The following CRYBB1 variants were observed in gnomAD, a reference collection of about 807,000 sequenced individuals.
CRYBB1 encodes the protein crystallin beta B1, also known as beta-crystallin B1.
A neutral mutation model predicts 29.5 loss-of-function variants in CRYBB1; 16 were observed. The ratio of observed to expected loss-of-function variants is 0.54; its 90% confidence interval spans 0.37 to 0.82. CRYBB1 has a LOEUF of 0.82. Among genes scored for constraint, CRYBB1 ranks in the 40% least tolerant of loss-of-function variants. CRYBB1 has a pLI of 0.00. For missense variants in CRYBB1, 300 were observed against 350.5 expected (o/e 0.86, Z 1.15); for synonymous variants, 127 against 136.7 (o/e 0.93, Z 0.49).
rs1233105482 is a variant in CRYBB1, at chr22:26,612,210, A to G, written c.181-20T>C. On this transcript the variant is annotated intron_variant, in intron 2 of 5. Coordinates refer to ENST00000647684, the MANE Select transcript of CRYBB1 (RefSeq NM_001887.4). ...CACCAGCTGCAGGAGAGAAGCCCCC[A>G]TGCCAAGGGCAGAGTGAGGGGGGAG... The G allele has an allele frequency of 1.9e-6, 3 of 1,556,578 alleles. No individual in the cohort carries two copies. Among genetic ancestry groups the G allele is most frequent in the African/African-American group, 1.4e-5 (1 of 73,774 alleles).
intron 3 of CRYBB1, among the ~76,000 whole-genome samples, chr22:26,610,201 A>G (rs188374104): frequency 9.2e-5 from 14 of 152,324 alleles, no homozygotes; most frequent in Non-Finnish European, 4.4e-5. Flanking sequence ...ATTTTAATTT[A>G]TAAGATATGG....
In CRYBB1 at chr22:26,609,475, T is replaced by A. The variant is rs117187004; in HGVS notation, c.300-1454A>T. ...ATGGGTAGATGGACAGATGAATGGATGCATGGATAAAGGGATGGATGAAGG... is the reference window on the plus strand; with the variant it reads ...ATGGGTAGATGGACAGATGAATGGAAGCATGGATAAAGGGATGGATGAAGG... On this transcript the variant is annotated intron_variant, in intron 3 of 5. Transcript: ENST00000647684. Among the ~76,000 whole-genome samples, 1,030 of 152,112 alleles carry A rather than the reference T, an allele frequency of 6.8e-3. 5 individuals are homozygous for A. The highest frequency in any genetic ancestry group is 0.011 in the Non-Finnish European group (747 of 67,994).
Position 26,599,676 on chromosome 22 carries a change from G to T in CRYBB1, c.576-3C>A, listed in dbSNP as rs142497666. On this transcript the variant is annotated splice_region_variant and splice_polypyrimidine_tract_variant and intron_variant, in intron 5 of 5. Coordinates refer to ENST00000647684, the MANE Select transcript of CRYBB1 (RefSeq NM_001887.4). ...CAGGATACTGATAGCCAACCCATCTGAGAGAAAAGTGAGAAGGACAGAGTG... is the reference window on the plus strand; with the variant it reads ...CAGGATACTGATAGCCAACCCATCTTAGAGAAAAGTGAGAAGGACAGAGTG... The T allele has an allele frequency of 1.1e-4, 176 of 1,613,654 alleles. 2 individuals are homozygous for T. In the East Asian group the frequency reaches 3.9e-3, roughly 36 times the overall value.
At chr22:26,607,091 C>T (rs1446133177) in intron 4 of CRYBB1, among the ~76,000 whole-genome samples, 7 of 141,078 alleles carry the variant, frequency 5.0e-5, no homozygotes, top group Non-Finnish European at 9.0e-5. Flanking sequence ...GGCATGATCT[C>T]GGCTCACTGC....
chr22:26,613,956 C>T (rs950440681), intron 2 of CRYBB1, among the ~76,000 whole-genome samples: 17 of 152,112 alleles, frequency 1.1e-4, no homozygotes, highest in African/African-American at 3.6e-4. Context: ...TGGGCGTGGT[C>T]GTCTCTTATG....
Position 26,601,907 on chromosome 22 carries a change from C to G in CRYBB1, c.547G>C (p.Val183Leu), listed in dbSNP as rs548722359. ...SLWVYGFSDRVGSVKVSSGTW... is the reference protein window; with the variant it reads ...SLWVYGFSDRLGSVKVSSGTW... Reference sequence around the variant, plus strand: ...CCACTGGAGACCTTCACGCTGCCCACGCGGTCACTGAAGCCGTAGACCCAG... The same window carrying G: ...CCACTGGAGACCTTCACGCTGCCCAGGCGGTCACTGAAGCCGTAGACCCAG... The change falls in exon 5 of 6, where the codon GTG becomes CTG. Residue 183 changes from valine to leucine, a missense_variant. Physicochemically the swap from Val to Leu is conservative, Grantham distance 32 (BLOSUM62 1). Transcript: ENST00000647684. 57 of 1,612,304 alleles carry G rather than the reference C, an allele frequency of 3.5e-5. No individual in the cohort carries two copies. The highest frequency in any genetic ancestry group is 4.5e-5 in the Non-Finnish European group (53 of 1,179,864).
intron 3 of CRYBB1, among the ~76,000 whole-genome samples, chr22:26,611,367 C>A (rs1309421345): frequency 6.6e-6 from 1 of 152,216 alleles, no homozygotes; most frequent in Non-Finnish European, 1.5e-5. Context: ...TCATTACTCC[C>A]AGGCAGCTGG....
Position 26,599,305 on chromosome 22 carries a change from A to C in CRYBB1, c.*185T>G. ...CTTTTCAGTGTTTGCTGCTTTTATT[A>C]TCGTTGTAATTATTAAGAGCGAGGA... On this transcript the variant is annotated 3_prime_UTR_variant, in exon 6 of 6. Transcript: ENST00000647684. 1.6e-6 allele frequency: 1 copy of C among 607,294 alleles called. No homozygotes were observed. The highest frequency in any genetic ancestry group is 3.0e-5 in the Admixed American group (1 of 33,640). The allele number at this position is 607,294 out of a possible 1,614,324, so 37.6% of individuals were successfully genotyped here.
intron 2 of CRYBB1, 27 bp from the exon 3 acceptor site, chr22:26,612,217 G>T: frequency 1.3e-6 from 2 of 1,515,534 alleles, no homozygotes; most frequent in Non-Finnish European, 1.8e-6. Context: ...CCCATGCCAA[G>T]GGCAGAGTGA....
intron 4 of CRYBB1, among the ~76,000 whole-genome samples, chr22:26,602,430 T>TA (rs1928849732): frequency 6.7e-6 from 1 of 149,772 alleles, no homozygotes; most frequent in African/African-American, 2.5e-5. Flanking sequence ...AAAAAAATAA[T>TA]TTTTTTTTTA....
intron 4 of CRYBB1, among the ~76,000 whole-genome samples, chr22:26,605,896 A>G (rs574280215): frequency 7.2e-5 from 11 of 152,216 alleles, no homozygotes; most frequent in African/African-American, 2.6e-4. Context: ...CAGGGCAGAG[A>G]GAGGAAGGGT....
chr22:26,611,459 T>TG lies in CRYBB1; in HGVS notation c.299+612_299+613insC, dbSNP rs111387772. Reference sequence around the variant, plus strand: ...TCGGTAATGGGCTAGAGTTTGTTTTTTTTTTTTTTGTTTTTTTTTTTTTTT... The same window carrying TG: ...TCGGTAATGGGCTAGAGTTTGTTTTTGTTTTTTTTTGTTTTTTTTTTTTTTT... On this transcript the variant is annotated intron_variant, in intron 3 of 5. Transcript: ENST00000647684. Among the ~76,000 whole-genome samples the TG allele has an allele frequency of 2.5e-3, 332 of 134,772 alleles. 4 individuals are homozygous for TG. Among genetic ancestry groups the TG allele is most frequent in the Admixed American group, 5.6e-3 (76 of 13,466 alleles). 88.4% of individuals were successfully genotyped at this position (134,772 alleles called of 152,430 possible).
chr22:26,600,144 G>A (rs779261353), intron 5 of CRYBB1, among the ~76,000 whole-genome samples: 5 of 152,182 alleles, frequency 3.3e-5, no homozygotes, highest in Non-Finnish European at 7.3e-5. Context: ...GCTCAAGCCT[G>A]TAATCCCAGC....
chr22:26,616,377 A>C lies in CRYBB1; in HGVS notation c.-19-39T>G, dbSNP rs546379747. The C allele has an allele frequency of 1.1e-5, 15 of 1,406,412 alleles. No individual in the cohort carries two copies. The Admixed American group carries it at 2.2e-4, about 21-fold the overall frequency. The allele number at this position is 1,406,412 out of a possible 1,614,324, so 87.1% of individuals were successfully genotyped here. Reference sequence around the variant, plus strand: ...CTGGCCTTCAGGGATGACACCCCCAAACTGCCTCCTGCCCTCATAGCCCCA... The same window carrying C: ...CTGGCCTTCAGGGATGACACCCCCACACTGCCTCCTGCCCTCATAGCCCCA... On this transcript the variant is annotated intron_variant, in intron 1 of 5. Transcript: ENST00000647684.
chr22:26,602,816 A>C (rs1032778688), intron 4 of CRYBB1, among the ~76,000 whole-genome samples: 1 of 152,042 alleles, frequency 6.6e-6, no homozygotes, highest in African/African-American at 2.4e-5. Context: ...GGTGGAACAC[A>C]GATCTAGGTT....
In CRYBB1 at chr22:26,599,465, C is replaced by T. The variant is rs1928753811; in HGVS notation, c.*25G>A. The T allele has an allele frequency of 6.3e-7, 1 of 1,592,946 alleles. No individual in the cohort carries two copies. The highest frequency in any genetic ancestry group is 8.6e-7 in the Non-Finnish European group (1 of 1,165,152). On this transcript the variant is annotated 3_prime_UTR_variant, in exon 6 of 6. Transcript: ENST00000647684. ...AATTGAACATGAAGAAGGGTTGGGG[C>T]AAGGTAGCAGAGTGAGGTGTGGACT...
Position 26,607,215 on chromosome 22 carries a change from G to A in CRYBB1, c.432+674C>T, listed in dbSNP as rs182012157. 2.2e-3 allele frequency among the ~76,000 whole-genome samples: 336 copies of A among 151,774 alleles called. 5 individuals carry two copies. Among genetic ancestry groups the A allele is most frequent in the South Asian group, 0.018 (85 of 4,798 alleles). On this transcript the variant is annotated intron_variant, in intron 4 of 5. Transcript: ENST00000647684. ...TTTTTGTATTTTTAGTAAAGACGGGGTTTCGTCATGTTGATCAGGCTGGTC... is the reference window on the plus strand; with the variant it reads ...TTTTTGTATTTTTAGTAAAGACGGGATTTCGTCATGTTGATCAGGCTGGTC...
chr22:26,617,809 C>T (rs1157960722), intron 1 of CRYBB1, among the ~76,000 whole-genome samples, 168 bp downstream of exon 1: 1 of 151,910 alleles, frequency 6.6e-6, no homozygotes, highest in African/African-American at 2.4e-5. Flanking sequence ...TTCTCACTCT[C>T]TCCCCTCTCC....
At chr22:26,601,636 T>C (rs1928821661) in intron 5 of CRYBB1, among the ~76,000 whole-genome samples, 1 of 111,146 alleles carries the variant, frequency 9.0e-6, no homozygotes, top group Admixed American at 9.1e-5. Flanking sequence ...AGCTCCTATT[T>C]TCTCCATCTA....
Sources: gnomAD v4.1 joint callset for allele counts (sites outside exome capture counted in the v4.1 genomes callset) on GRCh38, gnomAD v4.1.1 for gene constraint, MANE v1.5 for transcripts, NCBI Gene and HGNC (gene_info 2026-07-23, HGNC 2026-07-21) for gene names.